ADH5: variants seen among roughly 807,000 people sequenced by gnomAD.
The protein encoded by ADH5 is alcohol dehydrogenase 5 (class III), chi polypeptide.
Under a neutral mutation model 40.3 loss-of-function variants are expected in ADH5, and 32 were observed. That is an observed-to-expected ratio of 0.79 (90% CI 0.60 to 1.07). The LOEUF is 1.07. Ranked by LOEUF, ADH5 falls within the 50% of genes least tolerant of loss-of-function variation. The pLI is 0.00. For synonymous variants in ADH5, 125 were observed against 154.3 expected (o/e 0.81, Z 1.41); for missense variants, 353 against 460.5 (o/e 0.77, Z 2.14).
At chr4:99,081,897 G>T in intron 3 of ADH5, 78 bp downstream of exon 3, 1 of 1,447,186 alleles carries the variant, frequency 6.9e-7, no homozygotes, top group Non-Finnish European at 9.5e-7. Flanking sequence ...TAAATAGTGG[G>T]TAGTTTTATC....
At chr4:99,086,041 C>G (rs939646096) in intron 1 of ADH5, among the ~76,000 whole-genome samples, 2 of 151,788 alleles carry the variant, frequency 1.3e-5, no homozygotes, top group Admixed American at 1.3e-4. Flanking sequence ...CGTCTCAAAA[C>G]AAACAAACAA....
In ADH5 at chr4:99,082,097, C is replaced by T. The variant is rs764251807; in HGVS notation, c.134G>A (p.Cys45Tyr). Residue 45 changes from cysteine to tyrosine, a missense_variant, in exon 3 of 9, where the codon TGC (cysteine) becomes TAC (tyrosine). Transcript: ENST00000296412. The stretch of plus-strand genomic sequence containing the variant: ...ACTCAGGGTATAGGCATCGGTGTGG[C>T]AAACCGCAGTGGCAATGATCTATCA... The part of the protein sequence containing the change: ...VRIKIIATAV[C>Y]HTDAYTLSGA... 1.2e-6 allele frequency: 2 copies of T among 1,613,688 alleles called. No individual in the cohort carries two copies. The highest frequency in any genetic ancestry group is 3.3e-5 in the Admixed American group (2 of 59,978).
intron 6 of ADH5, chr4:99,076,021 C>A: frequency 2.7e-6 from 1 of 374,064 alleles, no homozygotes; most frequent in Non-Finnish European, 4.9e-6. Context: ...AAAGATCATG[C>A]TCTGCACAAC....
chr4:99,081,487 G>A lies in ADH5; in HGVS notation c.257-35C>T, dbSNP rs777950313. 5.7e-6 allele frequency: 8 copies of A among 1,407,300 alleles called. No individual in the cohort carries two copies. The South Asian group carries it at 9.8e-5, about 17-fold the overall frequency. 87.2% of individuals were successfully genotyped at this position (1,407,300 alleles called of 1,614,324 possible). ...AATGCAAAGACATCCTGAATAGGTA[G>A]TATCTATTTCTAAATGAAAACATCA... On this transcript the variant is annotated intron_variant, in intron 3 of 8. Coordinates refer to ENST00000296412, the MANE Select transcript of ADH5 (RefSeq NM_000671.4).
chr4:99,076,401 T>C lies in ADH5; in HGVS notation c.716A>G (p.Glu239Gly). The change falls in exon 6 of 9, where the codon GAA (glutamate) becomes GGA (glycine). Residue 239 changes from glutamate to glycine, a missense_variant. Glu to Gly is a moderately conservative substitution (Grantham distance 98). Coordinates refer to ENST00000296412, the MANE Select transcript of ADH5 (RefSeq NM_000671.4). ...FARAKEFGATECINPQDFSKP... is the reference protein window; with the variant it reads ...FARAKEFGATGCINPQDFSKP... ...ACTAAAATCCTGAGGGTTAATACAT[T>C]CAGTGGCTCCAAACTCTTTGGCCCT... is the stretch of plus-strand genomic sequence containing the variant. 1 of 1,614,158 alleles carries C rather than the reference T, an allele frequency of 6.2e-7. No homozygotes were observed. Among genetic ancestry groups the C allele is most frequent in the Non-Finnish European group, 8.5e-7 (1 of 1,180,030 alleles).
intron 6 of ADH5, chr4:99,075,866 G>A (rs1368929703): frequency 6.3e-6 from 1 of 157,636 alleles, no homozygotes; most frequent in Non-Finnish European, 1.4e-5. Flanking sequence ...GGTGCTCAAA[G>A]TTTCAGATTT....
Position 99,086,300 on chromosome 4 carries a change from G to A in ADH5, c.13-1084C>T, listed in dbSNP as rs563319115. 3.3e-5 allele frequency among the ~76,000 whole-genome samples: 5 copies of A among 152,190 alleles called. No individual in the cohort carries two copies. The South Asian group carries it at 1.0e-3, about 32-fold the overall frequency. On this transcript the variant is annotated intron_variant, in intron 1 of 8. Transcript: ENST00000296412. The stretch of plus-strand genomic sequence containing the variant: ...GTGACTAATTATAGCACACAGACCT[G>A]CTTTAGAGATTATAGTCATGTATAC...
chr4:99,072,180 T>TTAAA lies in ADH5; in HGVS notation c.*233_*236dup. Reference sequence around the variant, plus strand: ...AAATGTAGAAATTACTTTTATTATGTTAAAATATTCCTTAATAAACTAGCA... The same window carrying TTAAA: ...AAATGTAGAAATTACTTTTATTATGTTAAATAAAATATTCCTTAATAAACTAGCA... On this transcript the variant is annotated 3_prime_UTR_variant, in exon 9 of 9. Coordinates refer to ENST00000296412, the MANE Select transcript of ADH5 (RefSeq NM_000671.4). The TTAAA allele has an allele frequency of 2.3e-6, 1 of 438,048 alleles. No homozygotes were observed. Among genetic ancestry groups the TTAAA allele is most frequent in the Non-Finnish European group, 4.1e-6 (1 of 243,636 alleles). 27.1% of individuals were successfully genotyped at this position (438,048 alleles called of 1,614,324 possible).
chr4:99,088,724 G>C lies in ADH5; in HGVS notation c.-24C>G, dbSNP rs199747738. 3,582 of 1,606,586 alleles carry C rather than the reference G, an allele frequency of 2.2e-3. 7 individuals carry two copies. The highest frequency in any genetic ancestry group is 2.9e-3 in the Non-Finnish European group (3,365 of 1,175,956). ...ATGTTCACGGATTCTGGTCGGCGCG[G>C]GGGGCTGACATCCGGGGTGGGCCGC... On this transcript the variant is annotated 5_prime_UTR_variant, in exon 1 of 9. Coordinates refer to ENST00000296412, the MANE Select transcript of ADH5 (RefSeq NM_000671.4).
chr4:99,075,021 C>A lies in ADH5; in HGVS notation c.854G>T (p.Gly285Val). Residue 285 changes from glycine (G) to valine (V), a missense_variant, in exon 7 of 9, where the codon GGC becomes GTC. Coordinates refer to ENST00000296412, the MANE Select transcript of ADH5 (RefSeq NM_000671.4). ...MRAALEACHKGWGVSVVVGVA... is the reference protein window; with the variant it reads ...MRAALEACHKVWGVSVVVGVA... ...TCCAACCACGACGCTGACGCCCCAG[C>A]CCTTGTGACATGCCTCAAGTGCTGC... 1 of 1,612,518 alleles carries A rather than the reference C, an allele frequency of 6.2e-7. No individual in the cohort carries two copies. The highest frequency in any genetic ancestry group is 8.5e-7 in the Non-Finnish European group (1 of 1,178,948).
At chr4:99,087,390 C>T in intron 1 of ADH5, among the ~76,000 whole-genome samples, 1 of 2,224 alleles carries the variant, frequency 4.5e-4, no homozygotes, top group African/African-American at 1.7e-3. Flanking sequence ...TCTGAACTGG[C>T]GGGGGAGGGG....
intron 7 of ADH5, among the ~76,000 whole-genome samples, chr4:99,073,936 T>G (rs2110458135): frequency 6.6e-6 from 1 of 152,332 alleles, no homozygotes; most frequent in South Asian, 2.1e-4. Context: ...CTTAAAAAGT[T>G]TCTTCTATGA....
At chr4:99,080,274 T>A (rs1728003568) in intron 4 of ADH5, among the ~76,000 whole-genome samples, 1 of 152,188 alleles carries the variant, frequency 6.6e-6, no homozygotes, top group Admixed American at 6.5e-5. Context: ...ATTTGTTCAA[T>A]GAAAAATAAA....
At chr4:99,074,452 G>A (rs527779352) in intron 7 of ADH5, among the ~76,000 whole-genome samples, 3 of 152,244 alleles carry the variant, frequency 2.0e-5, no homozygotes, top group African/African-American at 7.2e-5. Context: ...TTCAGTTTGA[G>A]ACTCAATATT....
chr4:99,076,430 A>G lies in ADH5; in HGVS notation c.687T>C (p.Phe229=), dbSNP rs1332777946. The part of the protein sequence containing the change: ...IIGVDINKDK[F]ARAKEFGATE... The stretch of plus-strand genomic sequence containing the variant: ...TGGCTCCAAACTCTTTGGCCCTTGC[A>G]AATTTATCTTTATTGATGTCCACAC... Residue 229 remains phenylalanine, a synonymous_variant, in exon 6 of 9, where the codon TTT becomes TTC. Transcript: ENST00000296412. 6.2e-7 allele frequency: 1 copy of G among 1,614,048 alleles called. No individual in the cohort carries two copies. The highest frequency in any genetic ancestry group is 8.5e-7 in the Non-Finnish European group (1 of 1,180,032).
intron 6 of ADH5, 40 bp downstream of exon 6, chr4:99,076,250 AAG>A: frequency 1.9e-6 from 3 of 1,587,538 alleles, no homozygotes; most frequent in Non-Finnish European, 2.6e-6. Context: ...ACTTCAAAAA[AAG>A]CAGTTCCATA....
rs755642007 is a variant in ADH5, at chr4:99,076,363, C to T, written c.754G>A (p.Glu252Lys). Residue 252 changes from glutamate to lysine, a missense_variant, in exon 6 of 9, where the codon GAA becomes AAA. Glu to Lys is a moderately conservative substitution (Grantham distance 56). Coordinates refer to ENST00000296412, the MANE Select transcript of ADH5 (RefSeq NM_000671.4). ...NPQDFSKPIQ[E>K]VLIEMTDGGV... is the part of the protein sequence containing the mutation. ...CCATCGGTCATCTCAATGAGCACTTCCTGGATGGGTTTACTAAAATCCTGA... is the reference window on the plus strand; with the variant it reads ...CCATCGGTCATCTCAATGAGCACTTTCTGGATGGGTTTACTAAAATCCTGA... 1 of 1,614,170 alleles carries T rather than the reference C, an allele frequency of 6.2e-7. No individual in the cohort carries two copies. Among genetic ancestry groups the T allele is most frequent in the Non-Finnish European group, 8.5e-7 (1 of 1,180,022 alleles).
chr4:99,086,032 G>A (rs908212837), intron 1 of ADH5, among the ~76,000 whole-genome samples: 3 of 58,452 alleles, frequency 5.1e-5, no homozygotes, highest in South Asian at 1.5e-3. Flanking sequence ...GCGAGACATC[G>A]TCTCAAAACA....
At chr4:99,082,159 T>C (rs185045965) in intron 2 of ADH5, 43 bp from the exon 3 acceptor site, 2 of 1,596,572 alleles carry the variant, frequency 1.3e-6, no homozygotes, top group South Asian at 1.1e-5. Context: ...TATGTGTGCA[T>C]GCAATTCAGA....
Sources: allele counts gnomAD v4.1 joint callset (sites outside exome capture counted in the v4.1 genomes callset), GRCh38; gene constraint gnomAD v4.1.1; transcripts MANE v1.5; gene names NCBI Gene and HGNC (gene_info 2026-07-23, HGNC 2026-07-21).